Variants in DOCK7 observed in about 807,000 individuals in gnomAD.
DOCK7 encodes the protein dedicator of cytokinesis protein 7.
In DOCK7, 138 loss-of-function variants were observed where a neutral mutation model predicts 271.0. That is an observed-to-expected ratio of 0.51 (90% CI 0.44 to 0.59). The LOEUF is 0.59. Ranked by LOEUF, DOCK7 falls within the 20% of genes least tolerant of loss-of-function variation. The pLI, the probability that DOCK7 is intolerant of heterozygous loss-of-function variation, is 0.00. For synonymous variants in DOCK7, 823 were observed against 876.1 expected (o/e 0.94, Z 1.07); for missense variants, 2,066 against 2,592.4 (o/e 0.80, Z 4.41).
intron 14 of DOCK7, among the ~76,000 whole-genome samples, chr1:62,617,069 T>C (rs796822171): frequency 2.7e-4 from 34 of 127,680 alleles, no homozygotes; most frequent in African/African-American, 1.0e-3. Flanking sequence ...CTAAGGAAAA[T>C]ACATGAAAAA....
Position 62,493,972 on chromosome 1 carries a change from T to C in DOCK7, c.5217+303A>G, listed in dbSNP as rs928110323. 2.6e-5 allele frequency among the ~76,000 whole-genome samples: 4 copies of C among 152,192 alleles called. No individual in the cohort carries two copies. The East Asian group carries it at 5.8e-4, about 22-fold the overall frequency. On this transcript the variant is annotated intron_variant, in intron 40 of 49. Transcript: ENST00000635253. ...AAGAATTTCTACTGAATTCTGATTA[T>C]CAGTAATACATTTCCATAGATGTTA...
rs186802006 is a variant in DOCK7 at position 62,544,527 on chromosome 1, C to G, written c.2859+420G>C. The stretch of plus-strand genomic sequence containing the variant: ...TATTCGGTGATTAGGAAGAAAATAA[C>G]AAGATAGTAAATGTTAAATGAAAAT... On this transcript the variant is annotated intron_variant, in intron 23 of 49. Coordinates refer to ENST00000635253, the MANE Select transcript of DOCK7 (RefSeq NM_001367561.1). 1.8e-3 allele frequency among the ~76,000 whole-genome samples: 273 copies of G among 152,160 alleles called. 1 individual carries two copies. Among genetic ancestry groups the G allele is most frequent in the African/African-American group, 6.2e-3 (257 of 41,512 alleles).
At chr1:62,583,628 A>C (rs548814867) in intron 15 of DOCK7, among the ~76,000 whole-genome samples, 78 of 152,252 alleles carry the variant, frequency 5.1e-4, no homozygotes, top group Middle Eastern at 3.4e-3. Context: ...TACTATACAA[A>C]TTGTTGGCTT....
intron 19 of DOCK7, among the ~76,000 whole-genome samples, 164 bp downstream of exon 19, chr1:62,561,453 A>T (rs1332482288): frequency 2.6e-5 from 4 of 152,156 alleles, no homozygotes; most frequent in Admixed American, 2.0e-4. Context: ...GATTCTTTTT[A>T]AAAAAATCTT....
chr1:62,666,143 G>A (rs1287794216), intron 1 of DOCK7, among the ~76,000 whole-genome samples: 2 of 151,972 alleles, frequency 1.3e-5, no homozygotes, highest in Non-Finnish European at 2.9e-5. Flanking sequence ...CAGCCTGGGC[G>A]ACAGAGTGAG....
At chr1:62,559,722 TG>T (rs1314405983) in intron 19 of DOCK7, among the ~76,000 whole-genome samples, 1 of 152,156 alleles carries the variant, frequency 6.6e-6, no homozygotes, top group Non-Finnish European at 1.5e-5. Context: ...TACCTCACTG[TG>T]CAGAAAAGAA....
intron 1 of DOCK7, among the ~76,000 whole-genome samples, chr1:62,676,177 A>G (rs1003226160): frequency 6.6e-6 from 1 of 152,246 alleles, no homozygotes; most frequent in Non-Finnish European, 1.5e-5. Flanking sequence ...TGTGCTACAT[A>G]CAATGGAATA....
In DOCK7 at chr1:62,513,460, T is replaced by C. The variant is rs753272553; in HGVS notation, c.4266A>G (p.Thr1422=). Residue 1422 remains threonine (T), a synonymous_variant, in exon 33 of 50, where the codon ACA becomes ACG. Coordinates refer to ENST00000635253, the MANE Select transcript of DOCK7 (RefSeq NM_001367561.1). Reference sequence around the variant, plus strand: ...AATTCTCACCAGGAGGAGAAGCTATTGTGTACGTACCGAGCTGTCCTCGGC... The same window carrying C: ...AATTCTCACCAGGAGGAGAAGCTATCGTGTACGTACCGAGCTGTCCTCGGC... ...RRSRGQLGTY[T]IASPPERSPS... The C allele has an allele frequency of 2.2e-5, 36 of 1,602,278 alleles. 1 individual carries two copies. The South Asian group carries it at 3.9e-4, about 17-fold the overall frequency.
Position 62,636,534 on chromosome 1 carries a change from T to C in DOCK7, c.885+3A>G. ...TAACTATGGTCAAATTATATAATCT[T>C]ACCTTTTTCTTTTCCTTGACATCAT... On this transcript the variant is annotated splice_donor_region_variant and intron_variant, in intron 8 of 49. Transcript: ENST00000635253. 4.4e-6 allele frequency: 7 copies of C among 1,592,770 alleles called. No individual in the cohort carries two copies. Among genetic ancestry groups the C allele is most frequent in the Non-Finnish European group, 6.0e-6 (7 of 1,165,756 alleles).
intron 11 of DOCK7, among the ~76,000 whole-genome samples, chr1:62,630,048 G>GT (rs1321233701): frequency 1.3e-5 from 2 of 152,222 alleles, no homozygotes; most frequent in Non-Finnish European, 2.9e-5. Flanking sequence ...CCCGACAGCA[G>GT]TAACTTAAGC....
At chr1:62,683,151 A>G (rs1661358702) in intron 1 of DOCK7, among the ~76,000 whole-genome samples, 1 of 152,198 alleles carries the variant, frequency 6.6e-6, no homozygotes, top group Non-Finnish European at 1.5e-5. Flanking sequence ...ATAAAGATCA[A>G]CTCTGGAATG....
At chr1:62,465,592 C>A (rs1645653663) in intron 48 of DOCK7, among the ~76,000 whole-genome samples, 1 of 152,096 alleles carries the variant, frequency 6.6e-6, no homozygotes, top group South Asian at 2.1e-4. Context: ...TGCTCTGTTA[C>A]CCAGGCTGCA....
Position 62,618,758 on chromosome 1 carries a change from C to T in DOCK7, c.1630G>A (p.Glu544Lys). ...YPDSRVRPTR[E>K]ILEFPARDVY... ...TCCCTTGCGGGAAACTCTAAGATTT[C>T]TCTGGTAGGTCTAACTCTACTGTCA... The change falls in exon 14 of 50, where the codon GAA becomes AAA. Residue 544 changes from glutamate to lysine, a missense_variant. Coordinates refer to ENST00000635253, the MANE Select transcript of DOCK7 (RefSeq NM_001367561.1). 6.2e-7 allele frequency: 1 copy of T among 1,613,836 alleles called. No individual in the cohort carries two copies. Among genetic ancestry groups the T allele is most frequent in the Non-Finnish European group, 8.5e-7 (1 of 1,179,784 alleles).
intron 43 of DOCK7, chr1:62,485,379 C>A: frequency 1.0e-6 from 1 of 985,086 alleles, no homozygotes; most frequent in South Asian, 4.7e-5. Context: ...AAAAGCTTTG[C>A]CAACTCAAAT....
intron 2 of DOCK7, among the ~76,000 whole-genome samples, chr1:62,655,875 A>G (rs1245994845): frequency 6.6e-6 from 1 of 152,224 alleles, no homozygotes; most frequent in Non-Finnish European, 1.5e-5. Flanking sequence ...TACTATTTCA[A>G]TTCTACAAAT....
intron 27 of DOCK7, 32 bp downstream of exon 27, chr1:62,539,513 T>C (rs1298644107): frequency 7.3e-6 from 11 of 1,514,596 alleles, no homozygotes; most frequent in Non-Finnish European, 9.9e-6. Context: ...TTTAAATTAT[T>C]TGATTACTAA....
At chr1:62,519,918 G>C (rs1644795459) in intron 31 of DOCK7, among the ~76,000 whole-genome samples, 1 of 152,036 alleles carries the variant, frequency 6.6e-6, no homozygotes, top group African/African-American at 2.4e-5. Context: ...TAGACCAAGG[G>C]AACAGAACAG....
At chr1:62,651,936 G>A (rs1257177465) in intron 4 of DOCK7, among the ~76,000 whole-genome samples, 1 of 152,094 alleles carries the variant, frequency 6.6e-6, no homozygotes, top group Non-Finnish European at 1.5e-5. Flanking sequence ...ATATCCAGTG[G>A]TTGCAGGGAA....
At chr1:62,532,872 AGAGAGTGGCAG>A (rs761465804) in intron 29 of DOCK7, among the ~76,000 whole-genome samples, 3 of 152,176 alleles carry the variant, frequency 2.0e-5, no homozygotes, top group Non-Finnish European at 4.4e-5. Context: ...ATGAGGAGGA[AGAGAGTGGCAG>A]GAGTAGACAA....
Sources: gnomAD v4.1 joint callset for allele counts (sites outside exome capture counted in the v4.1 genomes callset) on GRCh38, gnomAD v4.1.1 for gene constraint, MANE v1.5 for transcripts, NCBI Gene and HGNC (gene_info 2026-07-23, HGNC 2026-07-21) for gene names.